The following SNAP25 variants were observed in gnomAD, a reference collection of about 807,000 sequenced individuals.
The protein encoded by SNAP25 is synaptosomal-associated protein 25.
A neutral mutation model predicts 28.7 loss-of-function variants in SNAP25; 3 were observed. That is an observed-to-expected ratio of 0.10 (90% CI 0.05 to 0.27). SNAP25 has a LOEUF of 0.27. SNAP25 is among the 10% of genes least tolerant of loss of function. The pLI is 1.00. For synonymous variants in SNAP25, 61 were observed against 88.1 expected, an observed-to-expected ratio of 0.69 and a Z score of 1.72; for missense variants, 117 against 278.7, an observed-to-expected ratio of 0.42 and a Z score of 4.13.
At chr20:10,242,827 C>A (rs1049930429) in intron 1 of SNAP25, among the ~76,000 whole-genome samples, 1 of 152,168 alleles carries the variant, frequency 6.6e-6, no homozygotes, top group African/African-American at 2.4e-5. Context: ...ATCTAAATAT[C>A]CATTTAGCCA....
rs57690835 is a variant in SNAP25 at position 10,263,009 on chromosome 20, C to CTTTTTTTT, written c.-63-12400_-63-12393dup. Among the ~76,000 whole-genome samples, 287 of 50,646 alleles carry CTTTTTTTT rather than the reference C, an allele frequency of 5.7e-3. 36 individuals are homozygous for CTTTTTTTT. Among genetic ancestry groups the CTTTTTTTT allele is most frequent in the Non-Finnish European group, 7.8e-3 (226 of 29,120 alleles). The allele number at this position is 50,646 out of a possible 152,430, so 33.2% of individuals were successfully genotyped here. Reference sequence around the variant, plus strand: ...TCAGGCGAAGCAACCCTGGGGTGCTCTTTTTTTTTTTTTTTTTTTTTTTTT... The same window carrying CTTTTTTTT: ...TCAGGCGAAGCAACCCTGGGGTGCTCTTTTTTTTTTTTTTTTTTTTTTTTTTTTTTTTT... On this transcript the variant is annotated intron_variant, in intron 1 of 7. Transcript: ENST00000254976.
chr20:10,237,236 C>T (rs555612023), intron 1 of SNAP25, among the ~76,000 whole-genome samples: 10 of 152,102 alleles, frequency 6.6e-5, no homozygotes, highest in Non-Finnish European at 1.2e-4. Context: ...GAGTGTACAA[C>T]ATGCCTGGAT....
intron 1 of SNAP25, among the ~76,000 whole-genome samples, chr20:10,221,094 A>G (rs2062624359): frequency 6.6e-6 from 1 of 152,228 alleles, no homozygotes; most frequent in Non-Finnish European, 1.5e-5. Context: ...GAGGAGAGAA[A>G]ATATGGGCAG....
chr20:10,301,475 C>A (rs184302744), intron 7 of SNAP25, among the ~76,000 whole-genome samples: 1 of 152,238 alleles, frequency 6.6e-6, no homozygotes, highest in Admixed American at 6.5e-5. Flanking sequence ...AGCATTGCCC[C>A]AAATGATCAT....
intron 1 of SNAP25, among the ~76,000 whole-genome samples, chr20:10,240,915 A>T (rs1368403308): frequency 6.6e-6 from 1 of 152,166 alleles, no homozygotes; most frequent in African/African-American, 2.4e-5. Context: ...GAATGGCTTC[A>T]ATTGCTCCGT....
At chr20:10,277,540 A>T in intron 2 of SNAP25, 145 bp from the exon 3 acceptor site, 1 of 642,622 alleles carries the variant, frequency 1.6e-6, no homozygotes, top group Non-Finnish European at 2.7e-6. Flanking sequence ...AAATGTAATG[A>T]CATTTTTTGT....
chr20:10,233,836 T>C (rs1431403002), intron 1 of SNAP25, among the ~76,000 whole-genome samples: 1 of 152,224 alleles, frequency 6.6e-6, no homozygotes. Flanking sequence ...CAACTTTGTT[T>C]GCCTGCGTGT....
chr20:10,228,523 G>A (rs1407789766), intron 1 of SNAP25, among the ~76,000 whole-genome samples: 1 of 152,186 alleles, frequency 6.6e-6, no homozygotes, highest in Admixed American at 6.5e-5. Context: ...GAGAAACTAT[G>A]TGTCCAAACA....
intron 7 of SNAP25, among the ~76,000 whole-genome samples, chr20:10,302,209 G>A (rs935171322): frequency 1.3e-5 from 2 of 152,058 alleles, no homozygotes; most frequent in African/African-American, 4.8e-5. Flanking sequence ...TCCAGCCTGG[G>A]CAACAGAGCA....
intron 1 of SNAP25, among the ~76,000 whole-genome samples, chr20:10,272,132 C>T (rs1302172288): frequency 6.6e-6 from 1 of 152,182 alleles, no homozygotes; most frequent in Non-Finnish European, 1.5e-5. Flanking sequence ...TTAACAAATA[C>T]CGGGTTTGTT....
intron 1 of SNAP25, among the ~76,000 whole-genome samples, chr20:10,258,276 T>C (rs1467529652): frequency 1.3e-5 from 2 of 152,230 alleles, no homozygotes; most frequent in Non-Finnish European, 2.9e-5. Context: ...TATTCCAGTA[T>C]TATGTATGAA....
chr20:10,222,830 A>G (rs2062659268), intron 1 of SNAP25, among the ~76,000 whole-genome samples: 1 of 152,202 alleles, frequency 6.6e-6, no homozygotes, highest in Non-Finnish European at 1.5e-5. Flanking sequence ...TAGACATATA[A>G]TTCCTGCTTG....
In SNAP25 at chr20:10,226,712, T is replaced by A. The variant is rs530765448; in HGVS notation, c.-64+7735T>A. On this transcript the variant is annotated intron_variant, in intron 1 of 7. Transcript: ENST00000254976. ...GAGCTGTCAGTATCTACAGAGAGAT[T>A]GCTATATCATAAACAAATACATATT... Among the ~76,000 whole-genome samples, 13 of 152,254 alleles carry A rather than the reference T, an allele frequency of 8.5e-5. No homozygotes were observed. In the East Asian group the frequency reaches 2.5e-3, roughly 29 times the overall value.
chr20:10,228,661 G>A (rs2062774109), intron 1 of SNAP25, among the ~76,000 whole-genome samples: 1 of 152,144 alleles, frequency 6.6e-6, no homozygotes, highest in Non-Finnish European at 1.5e-5. Context: ...TAAAAGGAGA[G>A]CAATTGCTGC....
chr20:10,229,079 G>A (rs975299436), intron 1 of SNAP25, among the ~76,000 whole-genome samples: 1 of 152,056 alleles, frequency 6.6e-6, no homozygotes, highest in African/African-American at 2.4e-5. Flanking sequence ...TTAAACACTG[G>A]TCCCCTCTTC....
chr20:10,269,858 G>A (rs779420383), intron 1 of SNAP25, among the ~76,000 whole-genome samples: 10 of 152,168 alleles, frequency 6.6e-5, no homozygotes, highest in Non-Finnish European at 1.0e-4. Context: ...ACCATCCTCA[G>A]CTCAAGGCCA....
chr20:10,246,487 A>G lies in SNAP25; in HGVS notation c.-64+27510A>G, dbSNP rs1397670829. Among the ~76,000 whole-genome samples, 3 of 152,144 alleles carry G rather than the reference A, an allele frequency of 2.0e-5. No individual in the cohort carries two copies. The East Asian group carries it at 5.8e-4, about 29-fold the overall frequency. ...ACGTCTTATGGAGAAGAAAGAAAAG[A>G]GGCAAACCACCCTGACAGTGGCAGG... On this transcript the variant is annotated intron_variant, in intron 1 of 7. Coordinates refer to ENST00000254976, the MANE Select transcript of SNAP25 (RefSeq NM_130811.4).
intron 4 of SNAP25, among the ~76,000 whole-genome samples, chr20:10,288,617 C>T (rs1024099970): frequency 2.6e-5 from 4 of 152,084 alleles, no homozygotes; most frequent in Non-Finnish European, 5.9e-5. Context: ...TTAATGTTCT[C>T]GGCTAAGACA....
rs368872143 is a variant in SNAP25, at chr20:10,227,656, G to A, written c.-64+8679G>A. ...ATGAGTCAGGAGTTAAAATGCTAAC[G>A]AAGGATCAAAGGATTCTCAATAAAG... is the stretch of plus-strand genomic sequence containing the variant. On this transcript the variant is annotated intron_variant, in intron 1 of 7. Coordinates refer to ENST00000254976, the MANE Select transcript of SNAP25 (RefSeq NM_130811.4). Among the ~76,000 whole-genome samples, 25 of 152,172 alleles carry A rather than the reference G, an allele frequency of 1.6e-4. 1 individual carries two copies. Among genetic ancestry groups the A allele is most frequent in the East Asian group, 1.4e-3 (7 of 5,176 alleles).
Sources: allele counts gnomAD v4.1 joint callset (sites outside exome capture counted in the v4.1 genomes callset), GRCh38; gene constraint gnomAD v4.1.1; transcripts MANE v1.5; gene names NCBI Gene and HGNC (gene_info 2026-07-23, HGNC 2026-07-21).